LRP1B: variants seen among roughly 807,000 people sequenced by gnomAD.
LRP1B encodes the protein low-density lipoprotein receptor-related protein 1B.
In LRP1B, 217 loss-of-function variants were observed where a neutral mutation model predicts 556.6. That is an observed-to-expected ratio of 0.39 (90% confidence interval 0.35 to 0.44). LRP1B has a LOEUF of 0.44. LRP1B is among the 20% of genes least tolerant of loss of function. The pLI is 1.00. For missense variants in LRP1B, 5,053 were observed against 5,620.8 expected, an observed-to-expected ratio of 0.90 and a Z score of 3.23; for synonymous variants, 2,047 against 1,865.8, an observed-to-expected ratio of 1.10 and a Z score of -2.50.
In LRP1B at chr2:140,520,049, G is replaced by A. The variant is rs548156493; in HGVS notation, c.8027-3038C>T. Reference sequence around the variant, plus strand: ...CAACCATTGTGGAAGACAGTGTGACGATTCCTCAAGGATCTAGAACTAGAA... The same window carrying A: ...CAACCATTGTGGAAGACAGTGTGACAATTCCTCAAGGATCTAGAACTAGAA... On this transcript the variant is annotated intron_variant, in intron 49 of 90. Coordinates refer to ENST00000389484, the MANE Select transcript of LRP1B (RefSeq NM_018557.3). 1.1e-4 allele frequency among the ~76,000 whole-genome samples: 17 copies of A among 152,240 alleles called. No individual in the cohort carries two copies. The South Asian group carries it at 2.5e-3, about 22-fold the overall frequency.
chr2:141,842,912 C>G (rs1163089826), intron 1 of LRP1B, among the ~76,000 whole-genome samples: 1 of 152,042 alleles, frequency 6.6e-6, no homozygotes, highest in Non-Finnish European at 1.5e-5. Flanking sequence ...ACAATAAATG[C>G]TTCAAATAAA....
intron 3 of LRP1B, among the ~76,000 whole-genome samples, chr2:141,466,950 GATATATATATAT>G (rs59093011): frequency 1.4e-5 from 2 of 140,794 alleles, no homozygotes; most frequent in East Asian, 2.1e-4. Context: ...GTGCTCAGGG[GATATATATATAT>G]ATATATATAT....
intron 83 of LRP1B, 31 bp downstream of exon 83, chr2:140,314,904 A>G (rs1684454683): frequency 3.3e-6 from 5 of 1,522,150 alleles, no homozygotes; most frequent in African/African-American, 1.4e-5. Flanking sequence ...AGTGAAAAAG[A>G]TGTGAAATAC....
chr2:140,985,189 C>G (rs111467665), intron 17 of LRP1B, among the ~76,000 whole-genome samples: 4,404 of 152,042 alleles, frequency 0.029, 87 homozygotes, highest in East Asian at 0.048. Context: ...ACAAGGCACA[C>G]CAACCATACA....
intron 41 of LRP1B, among the ~76,000 whole-genome samples, chr2:140,605,887 C>T (rs984377757): frequency 1.3e-5 from 2 of 151,968 alleles, no homozygotes; most frequent in African/African-American, 4.8e-5. Flanking sequence ...ACCCGAGGCT[C>T]GTATTATATT....
intron 1 of LRP1B, among the ~76,000 whole-genome samples, chr2:142,103,286 C>A (rs752567675): frequency 6.6e-6 from 1 of 151,678 alleles, no homozygotes; most frequent in Non-Finnish European, 1.5e-5. Flanking sequence ...TTTGCATAAA[C>A]TTCTTTTCTT....
intron 14 of LRP1B, among the ~76,000 whole-genome samples, chr2:141,011,854 T>C (rs1697759819): frequency 6.6e-6 from 1 of 152,032 alleles, no homozygotes; most frequent in African/African-American, 2.4e-5. Flanking sequence ...GTTATGTACT[T>C]CATTGTATAT....
intron 2 of LRP1B, among the ~76,000 whole-genome samples, chr2:141,505,778 T>A (rs929605797): frequency 1.3e-5 from 2 of 152,036 alleles, no homozygotes; most frequent in Non-Finnish European, 2.9e-5. Flanking sequence ...TCCATTAAGA[T>A]TGCTTTAGGG....
intron 11 of LRP1B, 75 bp downstream of exon 11, chr2:141,048,911 G>T: frequency 1.8e-6 from 2 of 1,141,090 alleles, no homozygotes; most frequent in South Asian, 1.2e-5. Flanking sequence ...AAGCTAGTCT[G>T]ACACACACTG....
intron 41 of LRP1B, among the ~76,000 whole-genome samples, chr2:140,602,018 C>A (rs937027835): frequency 1.3e-5 from 2 of 151,996 alleles, no homozygotes; most frequent in African/African-American, 4.8e-5. Flanking sequence ...GACTTAGATA[C>A]AATCATCATG....
intron 43 of LRP1B, among the ~76,000 whole-genome samples, chr2:140,550,573 G>T (rs955966389): frequency 3.9e-5 from 6 of 151,992 alleles, no homozygotes; most frequent in African/African-American, 1.4e-4. Flanking sequence ...ACACACTGCT[G>T]TAAAACAGTG....
At chr2:141,762,723 A>G (rs1313179022) in intron 2 of LRP1B, among the ~76,000 whole-genome samples, 1 of 152,190 alleles carries the variant, frequency 6.6e-6, no homozygotes, top group Non-Finnish European at 1.5e-5. Context: ...GTTGAGGATA[A>G]GAAGGGTCAT....
intron 1 of LRP1B, among the ~76,000 whole-genome samples, chr2:141,864,196 G>T (rs1290853225): frequency 6.6e-6 from 1 of 152,120 alleles, no homozygotes; most frequent in Non-Finnish European, 1.5e-5. Flanking sequence ...AACTAATGAG[G>T]TTAGCAGGGC....
At chr2:140,635,757 GA>G (rs1684050970) in intron 41 of LRP1B, among the ~76,000 whole-genome samples, 1 of 152,020 alleles carries the variant, frequency 6.6e-6, no homozygotes, top group Admixed American at 6.6e-5. Flanking sequence ...TGCAAGTAAA[GA>G]AAGATGAGGT....
chr2:141,961,294 A>G (rs1245318423), intron 1 of LRP1B, among the ~76,000 whole-genome samples: 4 of 151,768 alleles, frequency 2.6e-5, no homozygotes, highest in African/African-American at 7.2e-5. Context: ...TGATGTAGAG[A>G]AAACAGTCTG....
chr2:140,297,805 T>TA lies in LRP1B; in HGVS notation c.12967+2dup, dbSNP rs745519658. 6.2e-7 allele frequency: 1 copy of TA among 1,608,178 alleles called. No individual in the cohort carries two copies. The highest frequency in any genetic ancestry group is 1.1e-5 in the South Asian group (1 of 90,704). ...CTGGCTTCTGGGTGCTGCTTTTACT[T>TA]ACAGTACTGACATCTGTCTCCGGTG... On this transcript the variant is annotated splice_region_variant and intron_variant, in intron 84 of 90. Transcript: ENST00000389484.
intron 2 of LRP1B, among the ~76,000 whole-genome samples, chr2:141,778,055 CAGA>C (rs1695134776): frequency 6.6e-6 from 1 of 152,076 alleles, no homozygotes; most frequent in Non-Finnish European, 1.5e-5. Flanking sequence ...GTGGTAGAGT[CAGA>C]AGAAGTGAGA....
intron 1 of LRP1B, among the ~76,000 whole-genome samples, chr2:142,057,793 C>G (rs201522690): frequency 1.3e-5 from 2 of 152,090 alleles, no homozygotes; most frequent in Admixed American, 1.3e-4. Flanking sequence ...TTTGTTTTCT[C>G]AGTCCTTTAA....
rs1195850865 is a variant in LRP1B at position 140,820,911 on chromosome 2, T to TG, written c.5210-7106_5210-7105insC. ...AGCCCCTCCTCTTTCTGTTGCTTCT[T>TG]TAAAAAAAAAAAAAAAGTATTTTTT... On this transcript the variant is annotated intron_variant, in intron 31 of 90. Coordinates refer to ENST00000389484, the MANE Select transcript of LRP1B (RefSeq NM_018557.3). Among the ~76,000 whole-genome samples, 6 of 57,394 alleles carry TG rather than the reference T, an allele frequency of 1.0e-4. No homozygotes were observed. The East Asian group carries it at 3.3e-3, about 31-fold the overall frequency. 37.7% of individuals were successfully genotyped at this position (57,394 alleles called of 152,430 possible).
Sources: allele counts gnomAD v4.1 joint callset (sites outside exome capture counted in the v4.1 genomes callset), GRCh38; gene constraint gnomAD v4.1.1; transcripts MANE v1.5; gene names NCBI Gene and HGNC (gene_info 2026-07-23, HGNC 2026-07-21).